ABCC9: variants seen among roughly 807,000 people sequenced by gnomAD.
ABCC9 encodes the protein ATP-binding cassette sub-family C member 9.
In ABCC9, 95 loss-of-function variants were observed where a neutral mutation model predicts 188.3. The ratio of observed to expected loss-of-function variants is 0.50; its 90% CI spans 0.43 to 0.60. The LOEUF is 0.60. ABCC9 is among the 20% of genes least tolerant of loss of function. ABCC9 has a pLI of 0.00. For missense variants in ABCC9, 1,102 were observed against 1,876.3 expected (o/e 0.59, Z 7.62); for synonymous variants, 659 against 652.7 (o/e 1.01, Z -0.15).
At chr12:21,864,758 AC>A (rs1161725685) in intron 18 of ABCC9, among the ~76,000 whole-genome samples, 1 of 152,182 alleles carries the variant, frequency 6.6e-6, no homozygotes, top group Non-Finnish European at 1.5e-5. Context: ...TCTAGTGCTA[AC>A]CCTGCTCCAA....
intron 31 of ABCC9, among the ~76,000 whole-genome samples, chr12:21,824,791 T>G (rs1186911234): frequency 6.6e-6 from 1 of 152,196 alleles, no homozygotes; most frequent in East Asian, 1.9e-4. Context: ...AGGTGTTTAT[T>G]GCATTTTCTG....
At position 21,908,132 on chromosome 12, in the gene ABCC9, G is replaced by A. The variant is rs770976719; in HGVS notation, c.1400C>T (p.Ala467Val). The stretch of plus-strand genomic sequence containing the variant: ...TGTAGCAATAAAGTACTGAATTGGC[G>A]CAAGGAGCACAATGACAGCTGCACC... ...LVGAAVIVLL[A>V]PIQYFIATKL... Residue 467 changes from alanine to valine, a missense_variant, in exon 11 of 40, where the codon GCG (alanine) becomes GTG (valine). Physicochemically the swap from Ala to Val is moderately conservative, Grantham distance 64 (BLOSUM62 0). Transcript: ENST00000261200. 9 of 1,612,378 alleles carry A rather than the reference G, an allele frequency of 5.6e-6. No individual in the cohort carries two copies. Among genetic ancestry groups the A allele is most frequent in the African/African-American group, 4.0e-5 (3 of 74,754 alleles).
At chr12:21,832,639 C>A (rs549625494) in intron 30 of ABCC9, among the ~76,000 whole-genome samples, 1 of 151,738 alleles carries the variant, frequency 6.6e-6, no homozygotes. Flanking sequence ...TAGATATTGA[C>A]GTGGTGAAAA....
chr12:21,798,595 T>C lies in ABCC9; in HGVS notation c.*2449A>G, dbSNP rs1401923183. The C allele has an allele frequency of 6.6e-6, 1 of 151,420 alleles. No individual in the cohort carries two copies. Among genetic ancestry groups the C allele is most frequent in the Non-Finnish European group, 1.5e-5 (1 of 67,870 alleles). 9.4% of individuals were successfully genotyped at this position (151,420 alleles called of 1,614,324 possible). On this transcript the variant is annotated 3_prime_UTR_variant, in exon 40 of 40. Coordinates refer to ENST00000261200, the MANE Select transcript of ABCC9 (RefSeq NM_020297.4). ...GTCAGATGAGTAGGTTGCGAAAATT[T>C]TCTCCCATGTTGTAGGTTGCCTGTT...
chr12:21,933,180 GAC>G (rs1949354453), intron 4 of ABCC9, among the ~76,000 whole-genome samples: 1 of 151,580 alleles, frequency 6.6e-6, no homozygotes, highest in South Asian at 2.1e-4. Flanking sequence ...AGAACACATG[GAC>G]ACACAGAGGG....
chr12:21,837,159 T>C (rs979819888), intron 30 of ABCC9, among the ~76,000 whole-genome samples: 10 of 152,220 alleles, frequency 6.6e-5, no homozygotes, highest in Non-Finnish European at 1.5e-4. Context: ...AATTTCATGT[T>C]AATATCTACA....
chr12:21,877,426 C>A (rs530334619), intron 16 of ABCC9, among the ~76,000 whole-genome samples: 3 of 152,190 alleles, frequency 2.0e-5, no homozygotes, highest in Non-Finnish European at 2.9e-5. Context: ...ATCAAAAAAA[C>A]CGTAAAATAT....
At chr12:21,850,424 T>C (rs1944903546) in intron 24 of ABCC9, among the ~76,000 whole-genome samples, 1 of 152,114 alleles carries the variant, frequency 6.6e-6, no homozygotes, top group South Asian at 2.1e-4. Context: ...AGATAAGGAT[T>C]CTGGGCAGGT....
chr12:21,820,511 T>C (rs1009828172), intron 31 of ABCC9, among the ~76,000 whole-genome samples: 11 of 152,026 alleles, frequency 7.2e-5, no homozygotes, highest in Admixed American at 6.6e-4. Context: ...AGCCTATATA[T>C]ATATATAAAA....
chr12:21,805,074 C>A, intron 39 of ABCC9: 1 of 1,557,844 alleles, frequency 6.4e-7, no homozygotes, highest in Admixed American at 1.7e-5. Flanking sequence ...CTCATCTCAG[C>A]CCTTCCCTTT....
At chr12:21,864,911 A>G (rs1394172166) in intron 18 of ABCC9, among the ~76,000 whole-genome samples, 1 of 152,122 alleles carries the variant, frequency 6.6e-6, no homozygotes, top group Non-Finnish European at 1.5e-5. Flanking sequence ...AGCAGCAGAA[A>G]TACTTTTTGG....
intron 28 of ABCC9, among the ~76,000 whole-genome samples, chr12:21,842,918 A>C (rs887197110): frequency 3.3e-5 from 5 of 152,052 alleles, no homozygotes; most frequent in African/African-American, 9.7e-5. Flanking sequence ...TTTTGAGTGA[A>C]TTAATTTTTC....
At chr12:21,834,786 T>TATACACACACACACACACAC (rs113973392) in intron 30 of ABCC9, among the ~76,000 whole-genome samples, 3 of 141,508 alleles carry the variant, frequency 2.1e-5, no homozygotes, top group Non-Finnish European at 3.1e-5. Context: ...TATAACATTA[T>TATACACACACACACACACAC]ACACACACAC....
At chr12:21,829,160 T>C in intron 30 of ABCC9, 100 bp from the exon 31 acceptor site, 2 of 700,064 alleles carry the variant, frequency 2.9e-6, no homozygotes, top group Non-Finnish European at 5.2e-6. Context: ...AGTGACAAAC[T>C]GATGGCATGG....
chr12:21,820,114 A>G (rs976101805), intron 31 of ABCC9, among the ~76,000 whole-genome samples: 9 of 152,196 alleles, frequency 5.9e-5, no homozygotes, highest in South Asian at 2.1e-4. Context: ...TGTAAAGTTA[A>G]TACTTTCAAA....
Position 21,901,740 on chromosome 12 carries a change from A to G in ABCC9, c.1618+4386T>C, listed in dbSNP as rs543808090. ...ATACAATGGTAAAGGGATCAACTCA[A>G]CAAGAAGAGCTAACTATCCTAAATA... On this transcript the variant is annotated intron_variant, in intron 12 of 39. Transcript: ENST00000261200. 2.0e-5 allele frequency among the ~76,000 whole-genome samples: 3 copies of G among 152,348 alleles called. No homozygotes were observed. In the East Asian group the frequency reaches 5.8e-4, roughly 29 times the overall value.
intron 25 of ABCC9, 149 bp from the exon 26 acceptor site, chr12:21,845,981 CT>C (rs374341192): frequency 1.3e-4 from 87 of 671,996 alleles, no homozygotes; most frequent in Non-Finnish European, 2.0e-4. Flanking sequence ...TAGGGCAAAC[CT>C]TATTTCTTTC....
intron 30 of ABCC9, among the ~76,000 whole-genome samples, chr12:21,836,642 G>A (rs1021417400): frequency 5.9e-5 from 9 of 151,644 alleles, no homozygotes; most frequent in African/African-American, 2.2e-4. Flanking sequence ...TTTTTCTTAA[G>A]CCCTCTCTCC....
intron 4 of ABCC9, among the ~76,000 whole-genome samples, chr12:21,928,372 AAAAG>A (rs746183109): frequency 5.4e-5 from 8 of 146,992 alleles, no homozygotes; most frequent in Non-Finnish European, 9.0e-5. Flanking sequence ...AAGAAAAAGA[AAAAG>A]AGAGAAAGAA....
Sources: gnomAD v4.1 joint callset for allele counts (sites outside exome capture counted in the v4.1 genomes callset) on GRCh38, gnomAD v4.1.1 for gene constraint, MANE v1.5 for transcripts, NCBI Gene and HGNC (gene_info 2026-07-23, HGNC 2026-07-21) for gene names.